Variants in ITPR2 observed in about 807,000 individuals in gnomAD.
ITPR2 encodes the protein inositol 1,4,5-trisphosphate receptor type 2, also known as inositol 1,4,5-trisphosphate-gated calcium channel ITPR2.
A neutral mutation model predicts 317.1 loss-of-function variants in ITPR2; 207 were observed. That is an observed-to-expected ratio of 0.65 (90% confidence interval 0.58 to 0.73). The LOEUF (loss-of-function observed/expected upper bound fraction) is 0.73. Among genes scored for constraint, ITPR2 ranks in the 30% least tolerant of loss-of-function variants. The pLI is 0.00. For synonymous variants in ITPR2, 1,156 were observed against 1,149.1 expected, an observed-to-expected ratio of 1.01 and a Z score of -0.12; for missense variants, 2,613 against 3,284.0, an observed-to-expected ratio of 0.80 and a Z score of 4.99.
At chr12:26,394,129 C>T (rs906957637) in intron 54 of ITPR2, among the ~76,000 whole-genome samples, 2 of 152,200 alleles carry the variant, frequency 1.3e-5, no homozygotes, top group African/African-American at 4.8e-5. Flanking sequence ...CATTTATACT[C>T]ATCACAACAC....
At chr12:26,392,409 A>G (rs1051469909) in intron 54 of ITPR2, among the ~76,000 whole-genome samples, 3 of 151,984 alleles carry the variant, frequency 2.0e-5, no homozygotes, top group African/African-American at 7.3e-5. Flanking sequence ...CCTTCCAAGT[A>G]TTCCTTCTTC....
At chr12:26,412,808 A>G (rs1940593497) in intron 51 of ITPR2, among the ~76,000 whole-genome samples, 1 of 152,146 alleles carries the variant, frequency 6.6e-6, no homozygotes, top group Non-Finnish European at 1.5e-5. Context: ...CGCAGAGGCC[A>G]ATGAAGGCAT....
At chr12:26,595,741 T>G in intron 31 of ITPR2, 151 bp from the exon 32 acceptor site, 1 of 683,426 alleles carries the variant, frequency 1.5e-6, no homozygotes, top group Non-Finnish European at 2.3e-6. Context: ...ATTTCTCTTC[T>G]TTTGCTAACA....
At chr12:26,402,338 G>A (rs911008343) in intron 52 of ITPR2, among the ~76,000 whole-genome samples, 4 of 152,160 alleles carry the variant, frequency 2.6e-5, no homozygotes, top group Non-Finnish European at 4.4e-5. Flanking sequence ...TCTATCTAGC[G>A]TCACGATCTG....
chr12:26,368,681 T>C (rs950045272), intron 55 of ITPR2, among the ~76,000 whole-genome samples: 2 of 152,206 alleles, frequency 1.3e-5, no homozygotes, highest in African/African-American at 4.8e-5. Context: ...ACTAAAGATA[T>C]ATCATTACTT....
chr12:26,351,796 C>T (rs1330947352), intron 55 of ITPR2, among the ~76,000 whole-genome samples: 1 of 152,168 alleles, frequency 6.6e-6, no homozygotes, highest in East Asian at 1.9e-4. Flanking sequence ...CTCCTTGGGA[C>T]TTTAAGCCTT....
intron 49 of ITPR2, among the ~76,000 whole-genome samples, chr12:26,422,397 A>G (rs1940928863): frequency 6.6e-6 from 1 of 152,064 alleles, no homozygotes; most frequent in African/African-American, 2.4e-5. Flanking sequence ...TATATACTTT[A>G]TAGTTATTGA....
At chr12:26,391,308 A>T (rs1467205557) in intron 54 of ITPR2, among the ~76,000 whole-genome samples, 9 of 152,168 alleles carry the variant, frequency 5.9e-5, no homozygotes, top group Admixed American at 2.0e-4. Flanking sequence ...TAGTATTTAA[A>T]TAAAAATATT....
At chr12:26,357,652 A>T (rs960369454) in intron 55 of ITPR2, among the ~76,000 whole-genome samples, 7 of 152,280 alleles carry the variant, frequency 4.6e-5, no homozygotes, top group African/African-American at 1.7e-4. Flanking sequence ...TGTGGCTGGC[A>T]TCGGACATAG....
intron 2 of ITPR2, among the ~76,000 whole-genome samples, chr12:26,758,431 A>G (rs1241566595): frequency 6.6e-6 from 1 of 152,188 alleles, no homozygotes; most frequent in Non-Finnish European, 1.5e-5. Flanking sequence ...GTCAGGATCA[A>G]TGGCAGGATT....
chr12:26,520,516 T>G (rs1252735472), intron 37 of ITPR2, among the ~76,000 whole-genome samples: 1 of 152,168 alleles, frequency 6.6e-6, no homozygotes, highest in Non-Finnish European at 1.5e-5. Context: ...CCCTCAGAAA[T>G]AGCGGCTCCT....
intron 21 of ITPR2, among the ~76,000 whole-genome samples, chr12:26,651,642 G>A (rs1947257321): frequency 1.3e-5 from 2 of 152,186 alleles, no homozygotes; most frequent in African/African-American, 4.8e-5. Flanking sequence ...TCCATCCACT[G>A]AGGTGTTTAG....
chr12:26,386,915 C>A (rs903143779), intron 55 of ITPR2, among the ~76,000 whole-genome samples: 2 of 152,118 alleles, frequency 1.3e-5, no homozygotes, highest in African/African-American at 4.8e-5. Context: ...AGGATCAGTG[C>A]AAATTCATCA....
rs546066226 is a variant in ITPR2 at position 26,339,567 on chromosome 12, A to G, written c.8020-84T>C. ...TGGGCCACAACCGTTTTGAGTTAAT[A>G]TTCCCCAACTACCTACTGTCCAGCA... On this transcript the variant is annotated intron_variant, in intron 56 of 56. Transcript: ENST00000381340. 91 of 922,674 alleles carry G rather than the reference A, an allele frequency of 9.9e-5. No homozygotes were observed. The African/African-American group carries it at 1.3e-3, about 14-fold the overall frequency. The allele number at this position is 922,674 out of a possible 1,614,324, so 57.2% of individuals were successfully genotyped here.
intron 43 of ITPR2, among the ~76,000 whole-genome samples, chr12:26,479,093 G>A (rs1174080209): frequency 1.3e-5 from 2 of 149,052 alleles, no homozygotes; most frequent in East Asian, 3.9e-4. Flanking sequence ...TGGCCAATGT[G>A]TACAAACCCT....
chr12:26,720,275 A>G (rs1190373120), intron 5 of ITPR2, among the ~76,000 whole-genome samples: 1 of 152,194 alleles, frequency 6.6e-6, no homozygotes, highest in Non-Finnish European at 1.5e-5. Flanking sequence ...ATCTTGTTGG[A>G]TGTTAAAACC....
At chr12:26,489,853 G>C (rs1409313546) in intron 39 of ITPR2, among the ~76,000 whole-genome samples, 4 of 152,090 alleles carry the variant, frequency 2.6e-5, no homozygotes, top group Non-Finnish European at 1.5e-5. Context: ...AGACTTTTTT[G>C]GCTAAGGAGA....
At chr12:26,676,396 G>A (rs1343994144) in intron 13 of ITPR2, among the ~76,000 whole-genome samples, 1 of 151,036 alleles carries the variant, frequency 6.6e-6, no homozygotes, top group African/African-American at 2.4e-5. Context: ...AGAATCACTT[G>A]AGCCTGCGAG....
At chr12:26,799,612 C>T (rs1950519347) in intron 1 of ITPR2, among the ~76,000 whole-genome samples, 1 of 152,162 alleles carries the variant, frequency 6.6e-6, no homozygotes, top group Non-Finnish European at 1.5e-5. Context: ...GCTTACAGTC[C>T]TAATCCAGCC....
Sources: gnomAD v4.1 joint callset for allele counts (sites outside exome capture counted in the v4.1 genomes callset) on GRCh38, gnomAD v4.1.1 for gene constraint, MANE v1.5 for transcripts, NCBI Gene and HGNC (gene_info 2026-07-23, HGNC 2026-07-21) for gene names.